DPYD: variants seen among roughly 807,000 people sequenced by gnomAD.
The protein encoded by DPYD is dihydropyrimidine dehydrogenase.
DPYD carries 109 observed loss-of-function variants against 116.2 expected under a neutral mutation model. The ratio of observed to expected loss-of-function variants is 0.94; its 90% CI spans 0.80 to 1.10. The LOEUF is 1.10. Among genes scored for constraint, DPYD ranks in the 50% least tolerant of loss-of-function variants. The pLI, the probability that DPYD is intolerant of heterozygous loss-of-function variation, is 0.00. For missense variants in DPYD, 1,302 were observed against 1,254.5 expected (o/e 1.04, Z -0.57); for synonymous variants, 440 against 432.0 (o/e 1.02, Z -0.23).
chr1:97,780,596 T>C (rs978957037), intron 3 of DPYD, among the ~76,000 whole-genome samples: 1 of 152,224 alleles, frequency 6.6e-6, no homozygotes, highest in African/African-American at 2.4e-5. Flanking sequence ...GAAGAAATCA[T>C]GGATACTTCT....
chr1:97,574,585 C>A (rs182892804), intron 10 of DPYD, among the ~76,000 whole-genome samples: 1 of 152,236 alleles, frequency 6.6e-6, no homozygotes, highest in Non-Finnish European at 1.5e-5. Flanking sequence ...ATGCCCAGTT[C>A]TTCCCCATTT....
chr1:97,572,333 C>CACA (rs1173279806), intron 11 of DPYD, among the ~76,000 whole-genome samples: 2 of 151,912 alleles, frequency 1.3e-5, no homozygotes, highest in African/African-American at 4.8e-5. Flanking sequence ...CGCACACACA[C>CACA]ACAAGCACAA....
chr1:97,609,378 AAG>A (rs1174181779), intron 8 of DPYD, among the ~76,000 whole-genome samples: 1 of 152,008 alleles, frequency 6.6e-6, no homozygotes, highest in Non-Finnish European at 1.5e-5. Flanking sequence ...GATAAAGAAA[AAG>A]AGAGAGAATC....
At chr1:97,536,443 T>C (rs1361349929) in intron 12 of DPYD, among the ~76,000 whole-genome samples, 3 of 152,170 alleles carry the variant, frequency 2.0e-5, no homozygotes, top group Non-Finnish European at 4.4e-5. Flanking sequence ...TTTAATACAG[T>C]TGTCATTTCA....
At chr1:97,177,190 G>A (rs1233898485) in intron 20 of DPYD, among the ~76,000 whole-genome samples, 2 of 152,058 alleles carry the variant, frequency 1.3e-5, no homozygotes, top group African/African-American at 4.8e-5. Flanking sequence ...GTTAATGTTT[G>A]CATCTATAAT....
At chr1:97,192,202 T>C (rs1235161628) in intron 20 of DPYD, among the ~76,000 whole-genome samples, 1 of 152,182 alleles carries the variant, frequency 6.6e-6, no homozygotes, top group Non-Finnish European at 1.5e-5. Flanking sequence ...GTTTCTCTTA[T>C]TCTTTCTGAG....
At chr1:97,695,867 C>T (rs558704774) in intron 6 of DPYD, among the ~76,000 whole-genome samples, 11 of 152,200 alleles carry the variant, frequency 7.2e-5, no homozygotes, top group Admixed American at 2.6e-4. Flanking sequence ...CAGTGGCTCA[C>T]GCCTGTAATC....
chr1:97,778,188 AAGAGAGAGAGAGAG>A (rs72197937), intron 3 of DPYD, among the ~76,000 whole-genome samples: 1 of 106,310 alleles, frequency 9.4e-6, no homozygotes, highest in African/African-American at 3.5e-5. Flanking sequence ...GAAAGAAAGA[AAGAGAGAGAGAGAG>A]AGAGAGAGAG....
chr1:97,414,482 C>A (rs563444824), intron 14 of DPYD, among the ~76,000 whole-genome samples: 2 of 152,118 alleles, frequency 1.3e-5, no homozygotes, highest in African/African-American at 4.8e-5. Flanking sequence ...TGTACAGTTT[C>A]GGTCAAGCAG....
chr1:97,588,253 G>C (rs1048157830), intron 10 of DPYD, among the ~76,000 whole-genome samples: 1 of 152,188 alleles, frequency 6.6e-6, no homozygotes, highest in East Asian at 1.9e-4. Flanking sequence ...ACCAGGGGTA[G>C]CATGCAGGCC....
intron 1 of DPYD, among the ~76,000 whole-genome samples, chr1:97,891,468 T>A (rs1337062872): frequency 2.0e-5 from 3 of 151,966 alleles, no homozygotes; most frequent in Non-Finnish European, 4.4e-5. Context: ...TTACCTAGTT[T>A]AAGAAATGAT....
intron 3 of DPYD, among the ~76,000 whole-genome samples, chr1:97,778,625 A>C (rs990568205): frequency 2.6e-5 from 4 of 152,198 alleles, no homozygotes; most frequent in Non-Finnish European, 5.9e-5. Context: ...GTTATATCTT[A>C]AAACATGTAA....
chr1:97,753,200 G>A (rs965427919), intron 3 of DPYD, among the ~76,000 whole-genome samples: 1 of 152,126 alleles, frequency 6.6e-6, no homozygotes, highest in African/African-American at 2.4e-5. Flanking sequence ...CAATGAGATA[G>A]ATACTGTTGT....
At chr1:97,432,987 C>A (rs1239426677) in intron 14 of DPYD, among the ~76,000 whole-genome samples, 2 of 152,084 alleles carry the variant, frequency 1.3e-5, no homozygotes, top group Non-Finnish European at 2.9e-5. Flanking sequence ...GCTTTACAGG[C>A]CAGCTCCTAG....
At chr1:97,546,936 A>G (rs1018909629) in intron 12 of DPYD, 1 of 1,607,028 alleles carries the variant, frequency 6.2e-7, no homozygotes. Flanking sequence ...TTGAGGAAGA[A>G]GAGGAGGAAG....
intron 1 of DPYD, among the ~76,000 whole-genome samples, chr1:97,890,345 T>C (rs903519488): frequency 6.6e-6 from 1 of 152,100 alleles, no homozygotes; most frequent in South Asian, 2.1e-4. Flanking sequence ...CTTTATTCAC[T>C]GTAATACCAC....
At chr1:97,318,473 A>T (rs1242321169) in intron 16 of DPYD, among the ~76,000 whole-genome samples, 1 of 151,844 alleles carries the variant, frequency 6.6e-6, no homozygotes, top group East Asian at 1.9e-4. Flanking sequence ...AAAGATCAAA[A>T]GGGACAAAGA....
chr1:97,115,202 G>A (rs1651879443), intron 20 of DPYD, among the ~76,000 whole-genome samples: 1 of 152,162 alleles, frequency 6.6e-6, no homozygotes, highest in Non-Finnish European at 1.5e-5. Context: ...AATGTTTTGT[G>A]TCAACACACA....
At chr1:97,119,249 T>C (rs549901060) in intron 20 of DPYD, among the ~76,000 whole-genome samples, 7 of 152,316 alleles carry the variant, frequency 4.6e-5, no homozygotes, top group African/African-American at 1.7e-4. Flanking sequence ...AGCACTTTAG[T>C]ATGTCTCCAG....
Sources: gnomAD v4.1 joint callset for allele counts (sites outside exome capture counted in the v4.1 genomes callset) on GRCh38, gnomAD v4.1.1 for gene constraint, MANE v1.5 for transcripts, NCBI Gene and HGNC (gene_info 2026-07-23, HGNC 2026-07-21) for gene names.